Variants in FREM1 observed in about 807,000 individuals in gnomAD.
The protein encoded by FREM1 is FRAS1 related extracellular matrix 1.
FREM1 carries 220 observed loss-of-function variants against 210.1 expected under a neutral mutation model. The ratio of observed to expected loss-of-function variants is 1.05; its 90% confidence interval spans 0.94 to 1.17. The LOEUF (loss-of-function observed/expected upper bound fraction) is 1.17, where lower values mean the gene tolerates loss of function less well. Among genes scored for constraint, FREM1 ranks in the 50% most tolerant of loss-of-function variants. FREM1 has a pLI of 0.00. For synonymous variants in FREM1, 1,189 were observed against 980.2 expected, an observed-to-expected ratio of 1.21 and a Z score of -3.98; for missense variants, 3,454 against 2,675.5, an observed-to-expected ratio of 1.29 and a Z score of -6.42.
chr9:14,784,324 A>T, intron 24 of FREM1, 46 bp downstream of exon 24: 1 of 1,561,360 alleles, frequency 6.4e-7, no homozygotes, highest in Non-Finnish European at 8.7e-7. Context: ...CTTTTCTGTA[A>T]GTATTAATCC....
At chr9:14,876,428 T>C (rs796381221) in intron 1 of FREM1, among the ~76,000 whole-genome samples, 48 of 151,306 alleles carry the variant, frequency 3.2e-4, no homozygotes, top group African/African-American at 1.0e-3. Flanking sequence ...AGTTTGATCT[T>C]AGACTGCTGT....
In FREM1 at chr9:14,809,884, A is replaced by C. The variant is rs1217212747; in HGVS notation, c.2894-1750T>G. Among the ~76,000 whole-genome samples the C allele has an allele frequency of 2.2e-4, 3 of 13,682 alleles. No homozygotes were observed. In the East Asian group the frequency reaches 5.8e-3, roughly 27 times the overall value. The allele number at this position is 13,682 out of a possible 152,430, so 9.0% of individuals were successfully genotyped here. A position where few individuals can be genotyped will look rare whatever the true frequency, so the allele number is the denominator to read the frequency against. On this transcript the variant is annotated intron_variant, in intron 16 of 36. Transcript: ENST00000380880. ...AGTGTGGTTAGAATAGCACAGATGTATGTATGTATGTATGTATGTATGTAT... is the reference window on the plus strand; with the variant it reads ...AGTGTGGTTAGAATAGCACAGATGTCTGTATGTATGTATGTATGTATGTAT...
intron 30 of FREM1, among the ~76,000 whole-genome samples, chr9:14,749,142 A>G (rs1333420133): frequency 6.6e-6 from 1 of 152,216 alleles, no homozygotes; most frequent in East Asian, 1.9e-4. Flanking sequence ...AGCGGCTCCT[A>G]TTGGAAACCT....
intron 34 of FREM1, 109 bp downstream of exon 34, chr9:14,746,814 C>T (rs1280242690): frequency 1.4e-5 from 19 of 1,316,270 alleles, no homozygotes; most frequent in Non-Finnish European, 1.9e-5. Context: ...TTAACAATGG[C>T]AGGAAGATGT....
Position 14,868,890 on chromosome 9 carries a change from G to A in FREM1, c.88C>T (p.Arg30Cys), listed in dbSNP as rs758674491. The A allele has an allele frequency of 4.4e-6, 7 of 1,606,832 alleles. No individual in the cohort carries two copies. The East Asian group carries it at 6.7e-5, about 15-fold the overall frequency. ...TGGCCCTTCATCACCCTCACCCCGCGGTTGATGCTGATGAAGGTGGGGCTG... is the reference window on the plus strand; with the variant it reads ...TGGCCCTTCATCACCCTCACCCCGCAGTTGATGCTGATGAAGGTGGGGCTG... ...WASPTFISIN[R>C]GVRVMKGHSA... Residue 30 changes from arginine (R) to cysteine (C), a missense_variant, in exon 2 of 37, where the codon CGC (arginine) becomes TGC (cysteine). Coordinates refer to ENST00000380880, the MANE Select transcript of FREM1 (RefSeq NM_001379081.2).
rs1007471165 is a variant in FREM1 at position 14,804,983 on chromosome 9, A to G, written c.3444T>C (p.Ala1148=). ...TAATATTCTGCACTACAAAGTCAGG[A>G]GCTTCATCATTTGTGGGGTTGATTA... ...SIIINPTNDE[A]PDFVVQNITV... Residue 1148 remains alanine, a synonymous_variant, in exon 19 of 37, where the codon GCT becomes GCC. Transcript: ENST00000380880. The G allele has an allele frequency of 1.2e-6, 2 of 1,613,132 alleles. No homozygotes were observed. The highest frequency in any genetic ancestry group is 1.7e-5 in the Admixed American group (1 of 60,020).
chr9:14,854,342 A>C (rs1312995807), intron 5 of FREM1, among the ~76,000 whole-genome samples: 1 of 152,154 alleles, frequency 6.6e-6, no homozygotes, highest in African/African-American at 2.4e-5. Context: ...TATTCAAGAC[A>C]AATAGTCTGA....
chr9:14,754,895 C>G (rs938595710), intron 29 of FREM1, among the ~76,000 whole-genome samples: 4 of 152,182 alleles, frequency 2.6e-5, no homozygotes, highest in African/African-American at 7.2e-5. Context: ...GATTGCACCA[C>G]TGCACTCCAG....
intron 1 of FREM1, 63 bp downstream of exon 1, chr9:14,909,851 G>A (rs1342998021): frequency 6.6e-6 from 1 of 152,138 alleles, no homozygotes; most frequent in East Asian, 1.9e-4. Context: ...CAATCTCTGG[G>A]GCATTCTGCT....
intron 1 of FREM1, among the ~76,000 whole-genome samples, chr9:14,897,167 A>C (rs1837883903): frequency 6.6e-6 from 1 of 152,216 alleles, no homozygotes; most frequent in African/African-American, 2.4e-5. Context: ...AACAATAATA[A>C]GCATGTATTA....
rs113569249 is a variant in FREM1 at position 14,781,712 on chromosome 9, C to CT, written c.4442+2657dup. 2.4e-4 allele frequency among the ~76,000 whole-genome samples: 37 copies of CT among 152,000 alleles called. No individual in the cohort carries two copies. The South Asian group carries it at 5.6e-3, about 23-fold the overall frequency. ...GGCCCTAAAAAGGCTTCTATAAATTCTTTTTTTTGAGATGGAGTTTCGCTC... is the reference window on the plus strand; with the variant it reads ...GGCCCTAAAAAGGCTTCTATAAATTCTTTTTTTTTGAGATGGAGTTTCGCTC... On this transcript the variant is annotated intron_variant, in intron 24 of 36. Coordinates refer to ENST00000380880, the MANE Select transcript of FREM1 (RefSeq NM_001379081.2).
chr9:14,775,928 T>A lies in FREM1; in HGVS notation c.4718A>T (p.Asp1573Val), dbSNP rs1189054013. The part of the protein sequence containing the change: ...LQHNFTQQDV[D>V]SKNVAYRHSG... The stretch of plus-strand genomic sequence containing the variant: ...GTGCCGATAGGCCACATTCTTGCTG[T>A]CCACATCCTGCTGGGTGAAATTGTG... The change falls in exon 25 of 37, where the codon GAC (aspartate) becomes GTC (valine). Residue 1573 changes from aspartate to valine, a missense_variant. Coordinates refer to ENST00000380880, the MANE Select transcript of FREM1 (RefSeq NM_001379081.2). 1 of 1,613,990 alleles carries A rather than the reference T, an allele frequency of 6.2e-7. No homozygotes were observed. The highest frequency in any genetic ancestry group is 1.1e-5 in the South Asian group (1 of 91,082).
At chr9:14,803,346 T>TACCC in intron 19 of FREM1, among the ~76,000 whole-genome samples, 1 of 106,042 alleles carries the variant, frequency 9.4e-6, no homozygotes, top group East Asian at 3.0e-4. Context: ...TCCTCCTTCC[T>TACCC]TCCTTTCTTC....
Position 14,737,612 on chromosome 9 carries a change from G to C in FREM1, c.6341-17C>G. The C allele has an allele frequency of 2.7e-6, 4 of 1,490,494 alleles. No individual in the cohort carries two copies. Among genetic ancestry groups the C allele is most frequent in the Non-Finnish European group, 3.6e-6 (4 of 1,119,040 alleles). 92.3% of individuals were successfully genotyped at this position (1,490,494 alleles called of 1,614,324 possible). Reference sequence around the variant, plus strand: ...CGTTCAAACCTAATGTGAACCAAAAGAATGTACCAATTACTTTTATTGCGT... The same window carrying C: ...CGTTCAAACCTAATGTGAACCAAAACAATGTACCAATTACTTTTATTGCGT... On this transcript the variant is annotated splice_polypyrimidine_tract_variant and intron_variant, in intron 36 of 36. Transcript: ENST00000380880.
chr9:14,784,683 T>A, intron 23 of FREM1, 49 bp from the exon 24 acceptor site: 1 of 1,397,482 alleles, frequency 7.2e-7, no homozygotes, highest in Non-Finnish European at 9.5e-7. Context: ...AAAAACACAT[T>A]ATGTCCAAGG....
At chr9:14,775,300 C>T (rs747069430) in intron 25 of FREM1, among the ~76,000 whole-genome samples, 5 of 152,282 alleles carry the variant, frequency 3.3e-5, no homozygotes, top group South Asian at 2.1e-4. Flanking sequence ...TCAACACTCA[C>T]GGTCAGTCAT....
At position 14,859,165 on chromosome 9, in the gene FREM1, C is replaced by A; in HGVS notation, c.631+18G>T. Reference sequence around the variant, plus strand: ...TCAGTTTTGGTAATACCCAGAAAGGCATTAAAAGACATCATACGGGACTCT... The same window carrying A: ...TCAGTTTTGGTAATACCCAGAAAGGAATTAAAAGACATCATACGGGACTCT... On this transcript the variant is annotated intron_variant, in intron 4 of 36. Coordinates refer to ENST00000380880, the MANE Select transcript of FREM1 (RefSeq NM_001379081.2). 1 of 1,536,306 alleles carries A rather than the reference C, an allele frequency of 6.5e-7. No homozygotes were observed. The highest frequency in any genetic ancestry group is 8.8e-7 in the Non-Finnish European group (1 of 1,142,390).
chr9:14,758,678 G>T (rs1258702150), intron 28 of FREM1, among the ~76,000 whole-genome samples: 2 of 139,600 alleles, frequency 1.4e-5, no homozygotes, highest in African/African-American at 5.0e-5. Context: ...AGATGGTGGG[G>T]GGATGGGGTG....
intron 12 of FREM1, among the ~76,000 whole-genome samples, 170 bp from the exon 13 acceptor site, chr9:14,823,497 A>T (rs1488540909): frequency 1.3e-5 from 2 of 152,244 alleles, no homozygotes; most frequent in African/African-American, 4.8e-5. Context: ...AAAAACTGCA[A>T]TAACTTTTGC....
Sources: gnomAD v4.1 joint callset for allele counts (sites outside exome capture counted in the v4.1 genomes callset) on GRCh38, gnomAD v4.1.1 for gene constraint, MANE v1.5 for transcripts, NCBI Gene and HGNC (gene_info 2026-07-23, HGNC 2026-07-21) for gene names.